Variants in AK8 observed in about 807,000 individuals in gnomAD.
AK8 encodes adenylate kinase 8, also known as ATP-AMP transphosphorylase 8.
In AK8, 44 loss-of-function variants were observed where a neutral mutation model predicts 54.6. The ratio of observed to expected loss-of-function variants is 0.81; its 90% CI spans 0.63 to 1.04. The LOEUF (loss-of-function observed/expected upper bound fraction) is 1.04. Ranked by LOEUF, AK8 falls within the 50% of genes least tolerant of loss-of-function variation. AK8 has a pLI of 0.00. For missense variants in AK8, 555 were observed against 613.6 expected (o/e 0.90, Z 1.01); for synonymous variants, 239 against 245.6 (o/e 0.97, Z 0.25).
rs370949050 is a variant in AK8, at chr9:132,828,043, A to G, written c.526T>C (p.Leu176=). 3.4e-5 allele frequency: 54 copies of G among 1,571,360 alleles called. No homozygotes were observed. Among genetic ancestry groups the G allele is most frequent in the Middle Eastern group, 3.3e-4 (2 of 6,030 alleles). ...APDTVLIERN[L]GKRIDPQTGE... ...GTTTGAGGGTCGATTCTCTTCCCCAAGTTTCTCTCGATCAGGACCGTGTCT... is the reference window on the plus strand; with the variant it reads ...GTTTGAGGGTCGATTCTCTTCCCCAGGTTTCTCTCGATCAGGACCGTGTCT... Residue 176 remains leucine (L), a synonymous_variant, in exon 7 of 13, where the codon TTG becomes CTG. Transcript: ENST00000298545.
chr9:132,728,263 C>A (rs935222532), intron 11 of AK8, among the ~76,000 whole-genome samples: 6 of 152,222 alleles, frequency 3.9e-5, no homozygotes, highest in Non-Finnish European at 7.3e-5. Flanking sequence ...CAAGGACGCA[C>A]TAGGCTCCCC....
chr9:132,792,553 C>G, intron 11 of AK8, 81 bp downstream of exon 11: 1 of 1,483,014 alleles, frequency 6.7e-7, no homozygotes, highest in Non-Finnish European at 9.0e-7. Context: ...GCTTGTGTAA[C>G]CTGGACCCCT....
chr9:132,762,108 G>A (rs992689944), intron 11 of AK8, among the ~76,000 whole-genome samples: 1 of 152,026 alleles, frequency 6.6e-6, no homozygotes, highest in African/African-American at 2.4e-5. Flanking sequence ...GGCCATAAGT[G>A]ATCTGCCCAC....
At chr9:132,845,696 G>A (rs554499734) in intron 5 of AK8, among the ~76,000 whole-genome samples, 11 of 150,704 alleles carry the variant, frequency 7.3e-5, no homozygotes, top group African/African-American at 2.7e-4. Context: ...CAGGAGAATC[G>A]CCTGAACCTA....
chr9:132,819,771 A>G (rs1226191226), intron 9 of AK8, among the ~76,000 whole-genome samples: 1 of 152,224 alleles, frequency 6.6e-6, no homozygotes, highest in Admixed American at 6.5e-5. Flanking sequence ...TGCAAATTTC[A>G]AAGGATCAAA....
intron 9 of AK8, among the ~76,000 whole-genome samples, chr9:132,816,027 G>A (rs1841311288): frequency 6.6e-6 from 1 of 152,136 alleles, no homozygotes; most frequent in African/African-American, 2.4e-5. Flanking sequence ...GTGCTTGGCA[G>A]CCTCACCAGC....
intron 5 of AK8, among the ~76,000 whole-genome samples, chr9:132,847,494 T>C (rs1052379314): frequency 1.3e-5 from 2 of 152,190 alleles, no homozygotes; most frequent in East Asian, 3.9e-4. Flanking sequence ...TCTTGGCATA[T>C]TGAATTTGAA....
At chr9:132,814,115 A>G (rs1841203036) in intron 10 of AK8, among the ~76,000 whole-genome samples, 1 of 151,642 alleles carries the variant, frequency 6.6e-6, no homozygotes, top group African/African-American at 2.4e-5. Flanking sequence ...CCATCTCTAC[A>G]AAGAATACAA....
At chr9:132,747,971 C>A (rs752098077) in intron 11 of AK8, among the ~76,000 whole-genome samples, 1 of 151,110 alleles carries the variant, frequency 6.6e-6, no homozygotes, top group East Asian at 2.0e-4. Context: ...TGGTGATGGG[C>A]GCCTGTAGTC....
chr9:132,835,504 C>G (rs984275550), intron 5 of AK8, among the ~76,000 whole-genome samples: 1 of 152,182 alleles, frequency 6.6e-6, no homozygotes, highest in African/African-American at 2.4e-5. Flanking sequence ...TGTCTAGAAA[C>G]AAGATTAGCC....
chr9:132,769,594 AT>A (rs1397205138), intron 11 of AK8: 4 of 152,138 alleles, frequency 2.6e-5, no homozygotes, highest in Admixed American at 1.3e-4. Flanking sequence ...GCAAAGGAAG[AT>A]TTGTCTAAAA....
upstream of AK8, chr9:132,878,399 C>G (rs777656925): frequency 8.1e-7 from 1 of 1,242,104 alleles, no homozygotes; most frequent in South Asian, 4.0e-5. This position sits in a 1 kb window ranked among gnomAD's most constrained non-coding sequence, Gnocchi z 4.7. Flanking sequence ...GGGTCGCCCC[C>G]GCCCCGACCT....
chr9:132,784,279 G>C (rs1839598272), intron 11 of AK8, among the ~76,000 whole-genome samples: 1 of 79,508 alleles, frequency 1.3e-5, no homozygotes. Flanking sequence ...CAGCACTTTG[G>C]GAGGTTGAGG....
At chr9:132,848,728 G>T (rs1842851804) in intron 5 of AK8, among the ~76,000 whole-genome samples, 1 of 152,186 alleles carries the variant, frequency 6.6e-6, no homozygotes, top group South Asian at 2.1e-4. Context: ...TGCTGAGGAG[G>T]AAGGTCTCGG....
intron 5 of AK8, among the ~76,000 whole-genome samples, chr9:132,836,881 T>C (rs117662059): frequency 6.6e-6 from 1 of 152,352 alleles, no homozygotes; most frequent in East Asian, 1.9e-4. Flanking sequence ...CTACACTTCA[T>C]AGCGTTTAGG....
At chr9:132,812,879 A>C (rs3895390) in intron 10 of AK8, among the ~76,000 whole-genome samples, 1,742 of 96,276 alleles carry the variant, frequency 0.018, 16 homozygotes, top group African/African-American at 0.026. Context: ...CACTGCCCTG[A>C]GCCTACACAG....
At chr9:132,808,945 G>A (rs1240856958) in intron 10 of AK8, among the ~76,000 whole-genome samples, 2 of 152,182 alleles carry the variant, frequency 1.3e-5, no homozygotes, top group Non-Finnish European at 2.9e-5. Flanking sequence ...GAGTGGTGGG[G>A]ATGGGCTTTC....
At chr9:132,787,056 T>C (rs919726896) in intron 11 of AK8, among the ~76,000 whole-genome samples, 1 of 151,710 alleles carries the variant, frequency 6.6e-6, no homozygotes. Context: ...TCCCAGAAAG[T>C]AGAGCCAAAC....
At chr9:132,877,979 G>A in intron 1 of AK8, 193 bp downstream of exon 1, 3 of 1,423,478 alleles carry the variant, frequency 2.1e-6, no homozygotes, top group Non-Finnish European at 2.9e-6. Context: ...GCAAACCCGG[G>A]CAGGACCAGG....
Sources: gnomAD v4.1 joint callset for allele counts (sites outside exome capture counted in the v4.1 genomes callset) on GRCh38, gnomAD v4.1.1 for gene constraint, Gnocchi (gnomAD v3.1) non-coding constraint, MANE v1.5 for transcripts, NCBI Gene and HGNC (gene_info 2026-07-23, HGNC 2026-07-21) for gene names.